CHCHD6: variants seen among roughly 807,000 people sequenced by gnomAD.
CHCHD6 encodes the protein coiled-coil-helix-coiled-coil-helix domain containing 6.
CHCHD6 carries 28 observed loss-of-function variants against 32.3 expected under a neutral mutation model. That is an observed-to-expected ratio of 0.87 (90% CI 0.64 to 1.19). The LOEUF is 1.19. Ranked by LOEUF, CHCHD6 falls within the 50% of genes most tolerant of loss-of-function variation. The pLI is 0.00. For missense variants in CHCHD6, 333 were observed against 307.0 expected, an observed-to-expected ratio of 1.08 and a Z score of -0.63; for synonymous variants, 122 against 117.5, an observed-to-expected ratio of 1.04 and a Z score of -0.25.
chr3:126,801,484 T>C (rs867098083), intron 4 of CHCHD6, among the ~76,000 whole-genome samples: 1 of 152,174 alleles, frequency 6.6e-6, no homozygotes. Context: ...GAGATCAAAC[T>C]GCAAGGCGGC....
chr3:126,742,834 C>A (rs2885544), intron 4 of CHCHD6, among the ~76,000 whole-genome samples: 2 of 151,960 alleles, frequency 1.3e-5, no homozygotes, highest in Non-Finnish European at 2.9e-5. Flanking sequence ...TATCAATGAC[C>A]CAGTTTCAGA....
rs538737116 is a variant in CHCHD6, at chr3:126,792,740, T to C, written c.411+59518T>C. Among the ~76,000 whole-genome samples the C allele has an allele frequency of 5.9e-5, 9 of 152,378 alleles. No homozygotes were observed. The South Asian group carries it at 1.9e-3, about 32-fold the overall frequency. ...ATGTTTATTGTTATGTGAAGTGTTC[T>C]GTAAATGTCAGATTCAATTTTTTAT... On this transcript the variant is annotated intron_variant, in intron 4 of 7. Transcript: ENST00000290913.
chr3:126,946,018 A>C (rs1396474203), intron 6 of CHCHD6, among the ~76,000 whole-genome samples: 1 of 151,948 alleles, frequency 6.6e-6, no homozygotes, highest in Non-Finnish European at 1.5e-5. Context: ...GTGCTGAGGG[A>C]AGGTCACGTC....
chr3:126,912,858 C>T (rs2078111039), intron 5 of CHCHD6, among the ~76,000 whole-genome samples: 1 of 152,240 alleles, frequency 6.6e-6, no homozygotes, highest in Non-Finnish European at 1.5e-5. Flanking sequence ...ACCTGCCTTC[C>T]ATGCCCTATG....
chr3:126,843,222 G>A (rs1941170913), intron 4 of CHCHD6, among the ~76,000 whole-genome samples: 1 of 152,132 alleles, frequency 6.6e-6, no homozygotes, highest in Non-Finnish European at 1.5e-5. Context: ...GGTGAAGTAC[G>A]TTGTTATGCT....
intron 6 of CHCHD6, among the ~76,000 whole-genome samples, chr3:126,915,465 A>T (rs1318430537): frequency 2.0e-5 from 3 of 152,182 alleles, no homozygotes; most frequent in African/African-American, 7.2e-5. Flanking sequence ...ATTGGGTCTT[A>T]TGGGTTCTCT....
rs116092507 is a variant in CHCHD6, at chr3:126,740,556, C to G, written c.411+7334C>G. ...TGACCTCACTCCTGCTCTGAATGTC[C>G]AGGCCCACATGGCTGCTAACGTACA... On this transcript the variant is annotated intron_variant, in intron 4 of 7. Coordinates refer to ENST00000290913, the MANE Select transcript of CHCHD6 (RefSeq NM_032343.3). Among the ~76,000 whole-genome samples, 618 of 152,300 alleles carry G rather than the reference C, an allele frequency of 4.1e-3. 7 individuals carry two copies. The highest frequency in any genetic ancestry group is 0.014 in the African/African-American group (602 of 41,562).
intron 6 of CHCHD6, chr3:126,935,036 A>C: frequency 1.6e-6 from 1 of 636,398 alleles, no homozygotes; most frequent in Non-Finnish European, 2.0e-6. Context: ...TTTTAAAGAC[A>C]CGTCTAATCA....
intron 6 of CHCHD6, among the ~76,000 whole-genome samples, chr3:126,917,119 A>T (rs1272911604): frequency 1.3e-5 from 2 of 152,236 alleles, no homozygotes; most frequent in South Asian, 2.1e-4. Flanking sequence ...ATGGATGTGA[A>T]TGTATTTTTA....
intron 5 of CHCHD6, among the ~76,000 whole-genome samples, chr3:126,863,022 T>C (rs1242366989): frequency 9.6e-3 from 24 of 2,500 alleles, no homozygotes; most frequent in Admixed American, 0.025. Context: ...CCACCATCAC[T>C]ACCTCCTCCT....
chr3:126,888,931 C>T (rs546470477), intron 5 of CHCHD6, among the ~76,000 whole-genome samples: 19 of 152,318 alleles, frequency 1.2e-4, no homozygotes, highest in Admixed American at 6.5e-4. Flanking sequence ...GGGAGGCCCA[C>T]GTGTGGTGCT....
At chr3:126,708,650 G>GAAA (rs552128932) in intron 1 of CHCHD6, among the ~76,000 whole-genome samples, 1,488 of 90,950 alleles carry the variant, frequency 0.016, 19 homozygotes, top group Middle Eastern at 0.029. Context: ...CCCATCTCTT[G>GAAA]AAAAAAAAAA....
intron 4 of CHCHD6, among the ~76,000 whole-genome samples, chr3:126,782,073 G>A (rs1937971269): frequency 6.6e-6 from 1 of 152,166 alleles, no homozygotes; most frequent in Non-Finnish European, 1.5e-5. Flanking sequence ...AGTCATTCGT[G>A]TGTTTAATAC....
chr3:126,864,801 C>T (rs557624396), intron 5 of CHCHD6, among the ~76,000 whole-genome samples: 36 of 148,888 alleles, frequency 2.4e-4, no homozygotes, highest in Non-Finnish European at 4.8e-4. Flanking sequence ...CCTCCTCCAC[C>T]GTCACCTCCT....
At chr3:126,903,040 G>T (rs1370878061) in intron 5 of CHCHD6, among the ~76,000 whole-genome samples, 8 of 152,204 alleles carry the variant, frequency 5.3e-5, no homozygotes, top group African/African-American at 1.9e-4. Flanking sequence ...TAAGCTGCCT[G>T]CTTGGGAGCA....
chr3:126,922,692 G>C (rs2078269406), intron 6 of CHCHD6, among the ~76,000 whole-genome samples: 1 of 151,508 alleles, frequency 6.6e-6, no homozygotes, highest in Admixed American at 6.6e-5. Context: ...ATCTTATGCA[G>C]GCATTGACTC....
chr3:126,793,361 A>T (rs1938639428), intron 4 of CHCHD6, among the ~76,000 whole-genome samples: 1 of 152,078 alleles, frequency 6.6e-6, no homozygotes, highest in Admixed American at 6.6e-5. Context: ...TTAATTAATC[A>T]GAAGCGTTTT....
intron 5 of CHCHD6, among the ~76,000 whole-genome samples, chr3:126,870,232 G>A (rs368553097): frequency 1.3e-5 from 2 of 152,176 alleles, no homozygotes; most frequent in South Asian, 4.1e-4. Context: ...TCCTCCTGAG[G>A]TGGTTCCTCT....
At chr3:126,769,955 G>C (rs983365777) in intron 4 of CHCHD6, among the ~76,000 whole-genome samples, 1 of 152,028 alleles carries the variant, frequency 6.6e-6, no homozygotes, top group African/African-American at 2.4e-5. Context: ...CTAGTTTTTT[G>C]TATCCGTGAG....
Sources: allele counts gnomAD v4.1 joint callset (sites outside exome capture counted in the v4.1 genomes callset), GRCh38; gene constraint gnomAD v4.1.1; transcripts MANE v1.5; gene names NCBI Gene and HGNC (gene_info 2026-07-23, HGNC 2026-07-21).